Variants in DPP10 observed in about 807,000 individuals in gnomAD.
DPP10 encodes the protein dipeptidyl peptidase like 10.
A neutral mutation model predicts 120.9 loss-of-function variants in DPP10; 33 were observed. The observed-to-expected ratio is 0.27, with a 90% confidence interval of 0.21 to 0.37. The LOEUF is 0.37. DPP10 is among the 10% of genes least tolerant of loss of function. The pLI, the probability that DPP10 is intolerant of heterozygous loss-of-function variation, is 1.00. For synonymous variants in DPP10, 337 were observed against 326.1 expected, an observed-to-expected ratio of 1.03 and a Z score of -0.36; for missense variants, 816 against 942.8, an observed-to-expected ratio of 0.87 and a Z score of 1.76.
At chr2:115,593,025 G>GA (rs2149182633) in intron 5 of DPP10, among the ~76,000 whole-genome samples, 1 of 152,272 alleles carries the variant, frequency 6.6e-6, no homozygotes, top group East Asian at 1.9e-4. Flanking sequence ...TGCTTTGGTA[G>GA]AATTTGTGTT....
chr2:115,265,268 C>CATATATATAT (rs55778302), intron 1 of DPP10, among the ~76,000 whole-genome samples: 70 of 142,508 alleles, frequency 4.9e-4, no homozygotes, highest in Admixed American at 8.5e-4. Flanking sequence ...CTTTGGATTC[C>CATATATATAT]ATATATATAT....
intron 1 of DPP10, among the ~76,000 whole-genome samples, chr2:114,573,484 GT>G (rs1315685572): frequency 6.6e-6 from 1 of 152,140 alleles, no homozygotes; most frequent in African/African-American, 2.4e-5. Flanking sequence ...TTCTTTATAG[GT>G]CACTTTGCAG....
intron 1 of DPP10, among the ~76,000 whole-genome samples, chr2:114,624,357 A>G (rs1327903074): frequency 6.6e-6 from 1 of 151,958 alleles, no homozygotes; most frequent in South Asian, 2.1e-4. Context: ...TTTATTCTCT[A>G]GGGCATAGGG....
chr2:115,307,377 A>AT (rs2061400648), intron 1 of DPP10, among the ~76,000 whole-genome samples: 1 of 152,014 alleles, frequency 6.6e-6, no homozygotes, highest in Non-Finnish European at 1.5e-5. Flanking sequence ...TCAGTTTATA[A>AT]TTTTTTCTTG....
At chr2:115,382,526 T>G (rs1029628533) in intron 3 of DPP10, among the ~76,000 whole-genome samples, 1 of 152,214 alleles carries the variant, frequency 6.6e-6, no homozygotes, top group Non-Finnish European at 1.5e-5. Context: ...CTTCTGCATC[T>G]CTCACCCTGG....
intron 9 of DPP10, among the ~76,000 whole-genome samples, chr2:115,744,085 T>C (rs945712340): frequency 6.6e-6 from 1 of 150,692 alleles, no homozygotes; most frequent in Non-Finnish European, 1.5e-5. Context: ...ATTTGCACAC[T>C]CACTATCTGG....
At chr2:114,673,883 A>G (rs1252902971) in intron 1 of DPP10, among the ~76,000 whole-genome samples, 2 of 152,100 alleles carry the variant, frequency 1.3e-5, no homozygotes, top group African/African-American at 4.8e-5. Flanking sequence ...TTGTGTATTA[A>G]TACTGCAACT....
At chr2:115,572,978 G>A (rs1347180847) in intron 5 of DPP10, among the ~76,000 whole-genome samples, 1 of 152,132 alleles carries the variant, frequency 6.6e-6, no homozygotes, top group Non-Finnish European at 1.5e-5. Flanking sequence ...ACTGCTTATT[G>A]CTTCAGCTGT....
intron 1 of DPP10, among the ~76,000 whole-genome samples, chr2:114,657,661 C>T (rs1451471923): frequency 6.6e-6 from 1 of 152,146 alleles, no homozygotes; most frequent in East Asian, 1.9e-4. Flanking sequence ...TGAAAAACTT[C>T]TCTGTGGGTG....
At chr2:115,476,221 T>C (rs181930103) in intron 3 of DPP10, among the ~76,000 whole-genome samples, 16 of 152,212 alleles carry the variant, frequency 1.1e-4, no homozygotes, top group Admixed American at 9.8e-4. Context: ...CAGATTTTCC[T>C]TTCGATGTTG....
intron 2 of DPP10, among the ~76,000 whole-genome samples, chr2:115,333,383 C>T (rs1574460775): frequency 6.6e-6 from 1 of 152,178 alleles, no homozygotes; most frequent in East Asian, 1.9e-4. Flanking sequence ...ATCCAATTTG[C>T]CAGTCTGTGT....
chr2:115,445,966 C>T (rs144342461), intron 3 of DPP10, among the ~76,000 whole-genome samples: 221 of 151,834 alleles, frequency 1.5e-3, no homozygotes, highest in Non-Finnish European at 2.5e-3. Context: ...GGCCCAGCTG[C>T]GGGTCTAGGA....
chr2:114,464,713 C>A (rs561908697), intron 1 of DPP10, among the ~76,000 whole-genome samples: 1 of 152,130 alleles, frequency 6.6e-6, no homozygotes, highest in Admixed American at 6.6e-5. Context: ...AAATAATTGT[C>A]CATTGGCCGA....
At chr2:114,791,266 T>C (rs1007819231) in intron 1 of DPP10, among the ~76,000 whole-genome samples, 1 of 152,202 alleles carries the variant, frequency 6.6e-6, no homozygotes, top group Non-Finnish European at 1.5e-5. Flanking sequence ...TATTGCCATG[T>C]TTTGTTTCAG....
chr2:115,565,141 A>G (rs1351423466), intron 5 of DPP10, among the ~76,000 whole-genome samples: 1 of 152,152 alleles, frequency 6.6e-6, no homozygotes, highest in Admixed American at 6.5e-5. Context: ...GTGCGTAAGT[A>G]TGTGTGTATA....
intron 1 of DPP10, among the ~76,000 whole-genome samples, chr2:114,908,525 A>G (rs1182129166): frequency 6.6e-6 from 1 of 151,902 alleles, no homozygotes; most frequent in Admixed American, 6.6e-5. Flanking sequence ...GACTTATACT[A>G]TCTTAATTCC....
intron 5 of DPP10, among the ~76,000 whole-genome samples, chr2:115,631,437 C>A (rs1328337716): frequency 6.6e-6 from 1 of 151,932 alleles, no homozygotes; most frequent in Non-Finnish European, 1.5e-5. Context: ...TTGGTTATTT[C>A]TTGTCTTCTG....
At chr2:115,456,615 G>A (rs936092660) in intron 3 of DPP10, among the ~76,000 whole-genome samples, 4 of 152,088 alleles carry the variant, frequency 2.6e-5, no homozygotes, top group Non-Finnish European at 5.9e-5. Flanking sequence ...ATACACCATG[G>A]AATACTATGC....
At chr2:115,458,058 G>A (rs571631038) in intron 3 of DPP10, among the ~76,000 whole-genome samples, 6 of 152,122 alleles carry the variant, frequency 3.9e-5, no homozygotes, top group South Asian at 2.1e-4. Context: ...TATGTACTGC[G>A]TATTGTATGA....
Sources: gnomAD v4.1 joint callset for allele counts (sites outside exome capture counted in the v4.1 genomes callset) on GRCh38, gnomAD v4.1.1 for gene constraint, MANE v1.5 for transcripts, NCBI Gene and HGNC (gene_info 2026-07-23, HGNC 2026-07-21) for gene names.